Variants in SYNPO2 observed in about 807,000 individuals in gnomAD.
SYNPO2 encodes the protein synaptopodin 2.
Under a neutral mutation model 85.0 loss-of-function variants are expected in SYNPO2, and 56 were observed. The ratio of observed to expected loss-of-function variants is 0.66; its 90% confidence interval spans 0.53 to 0.82. The LOEUF is 0.82. SYNPO2 is among the 40% of genes least tolerant of loss of function. The pLI, the probability that SYNPO2 is intolerant of heterozygous loss-of-function variation, is 0.00. For missense variants in SYNPO2, 1,575 were observed against 1,534.2 expected (o/e 1.03, Z -0.44); for synonymous variants, 602 against 591.1 (o/e 1.02, Z -0.27).
chr4:119,050,551 G>A (rs961850309), intron 4 of SYNPO2, among the ~76,000 whole-genome samples: 4 of 152,062 alleles, frequency 2.6e-5, no homozygotes, highest in Non-Finnish European at 4.4e-5. Context: ...GGGTTGTGAC[G>A]ATTACGTGAA....
chr4:119,008,435 CT>C (rs530354869), intron 1 of SYNPO2, among the ~76,000 whole-genome samples: 5,876 of 139,474 alleles, frequency 0.042, 292 homozygotes, highest in African/African-American at 0.13. Context: ...ATTGCACAGG[CT>C]TTTTTTTTTT....
chr4:118,929,875 C>G (rs1317893513), intron 1 of SYNPO2, among the ~76,000 whole-genome samples: 1 of 152,000 alleles, frequency 6.6e-6, no homozygotes, highest in Non-Finnish European at 1.5e-5. Flanking sequence ...TGTCTACATT[C>G]TGCTTTTAGA....
intron 1 of SYNPO2, among the ~76,000 whole-genome samples, chr4:118,911,768 A>T (rs1460046558): frequency 6.6e-6 from 1 of 152,218 alleles, no homozygotes; most frequent in Non-Finnish European, 1.5e-5. Flanking sequence ...TTGAGATGAG[A>T]CATGAACTAA....
In SYNPO2 at chr4:118,883,061, T is replaced by A. The variant is rs530745765; in HGVS notation, c.12+32121T>A. Among the ~76,000 whole-genome samples the A allele has an allele frequency of 1.8e-3, 277 of 150,408 alleles. 6 individuals are homozygous for A. The highest frequency in any genetic ancestry group is 3.5e-3 in the Middle Eastern group (1 of 284). On this transcript the variant is annotated intron_variant, in intron 1 of 4. Transcript: ENST00000610556. ...CAGGCATGAGCCACCGCGCCCCGCC[T>A]GTTTTTTTTTTTTTTAAAGGCCTTT... is the stretch of plus-strand genomic sequence containing the variant.
In SYNPO2 at chr4:119,029,997, A is replaced by T; in HGVS notation, c.1222A>T (p.Thr408Ser). Residue 408 changes from threonine to serine, a missense_variant, in exon 4 of 5, where the codon ACC (threonine) becomes TCC (serine). This residue lies in a region of SYNPO2 where 1,508 missense variants were observed against 1,446.8 expected (regional missense o/e 1.04). Transcript: ENST00000307142. ...KKRRRRARKYTLVSYGTGELE... is the reference protein window; with the variant it reads ...KKRRRRARKYSLVSYGTGELE... Reference sequence around the variant, plus strand: ...GCGACGTCGGAGGGCCAGGAAATACACCCTAGTTAGCTACGGTACTGGCGA... The same window carrying T: ...GCGACGTCGGAGGGCCAGGAAATACTCCCTAGTTAGCTACGGTACTGGCGA... The T allele has an allele frequency of 6.2e-7, 1 of 1,614,000 alleles. No homozygotes were observed. Among genetic ancestry groups the T allele is most frequent in the Non-Finnish European group, 8.5e-7 (1 of 1,179,984 alleles).
At chr4:118,999,983 C>T (rs541624111) in intron 1 of SYNPO2, among the ~76,000 whole-genome samples, 156 of 152,250 alleles carry the variant, frequency 1.0e-3, no homozygotes, top group African/African-American at 3.7e-3. Context: ...GGGAAAGGCC[C>T]TTTAAACAGA....
chr4:119,042,611 A>G (rs562210277), intron 4 of SYNPO2: 3 of 152,376 alleles, frequency 2.0e-5, no homozygotes, highest in African/African-American at 7.2e-5. Context: ...TAAAATTTTC[A>G]AAAGAAAAAG....
At chr4:119,037,304 A>T (rs892236782) in intron 4 of SYNPO2, 27 of 1,291,154 alleles carry the variant, frequency 2.1e-5, no homozygotes, top group Non-Finnish European at 2.6e-5. Flanking sequence ...ATGAAAAAAA[A>T]TTTTTAAATC....
Position 119,027,401 on chromosome 4 carries a change from T to A in SYNPO2, c.1032T>A (p.Asp344Glu), listed in dbSNP as rs747729057. Residue 344 changes from aspartate to glutamate, a missense_variant, in exon 3 of 5, where the codon GAT becomes GAA. By Grantham distance (45) the Asp-to-Glu change is conservative. Transcript: ENST00000307142. ...GAGAAGATCCACGCTCGGAAAAAGA[T>A]CACAGCAGACCTCACAAGCACCGAG... ...EQGEDPRSEK[D>E]HSRPHKHRAR... is the part of the protein sequence containing the mutation. The A allele has an allele frequency of 1.9e-6, 3 of 1,611,568 alleles. No individual in the cohort carries two copies. Among genetic ancestry groups the A allele is most frequent in the Non-Finnish European group, 2.5e-6 (3 of 1,179,018 alleles).
chr4:119,052,078 T>C (rs901872807), intron 4 of SYNPO2, among the ~76,000 whole-genome samples: 3 of 152,152 alleles, frequency 2.0e-5, no homozygotes, highest in African/African-American at 7.2e-5. Flanking sequence ...GATACTTGCA[T>C]GAGGATGGGT....
At chr4:119,034,612 A>G (rs1578666201) in intron 4 of SYNPO2, 2 of 985,512 alleles carry the variant, frequency 2.0e-6, no homozygotes, top group Non-Finnish European at 2.4e-6. Context: ...TGGACCATAC[A>G]GTCCCACTTT....
chr4:119,027,328 CTCCTTCTCT>C lies in SYNPO2; in HGVS notation c.960_968del (p.Pro321_Leu323del). 6.2e-7 allele frequency: 1 copy of C among 1,614,052 alleles called. No individual in the cohort carries two copies. Among genetic ancestry groups the C allele is most frequent in the Non-Finnish European group, 8.5e-7 (1 of 1,180,036 alleles). On this transcript the variant is annotated inframe_deletion, in exon 3 of 5. Coordinates refer to ENST00000307142, the MANE Select transcript of SYNPO2 (RefSeq NM_133477.3). The stretch of plus-strand genomic sequence containing the variant: ...GTGGAAGGAGGGCAGTCAGAAGCAC[CTCCTTCTCT>C]GGTATCCTTTGCCGTCTCATCAGAA...
At chr4:118,896,982 C>T (rs970793499) in intron 1 of SYNPO2, among the ~76,000 whole-genome samples, 1 of 151,922 alleles carries the variant, frequency 6.6e-6, no homozygotes, top group African/African-American at 2.4e-5. Flanking sequence ...TGAAGGATGA[C>T]CTTTCCTGAA....
chr4:119,002,253 G>A (rs1736847049), intron 1 of SYNPO2, among the ~76,000 whole-genome samples: 1 of 152,058 alleles, frequency 6.6e-6, no homozygotes, highest in Admixed American at 6.6e-5. Flanking sequence ...TATCAGGAGT[G>A]CTATCAATGT....
intron 1 of SYNPO2, among the ~76,000 whole-genome samples, chr4:118,867,469 T>C (rs1731720921): frequency 7.3e-6 from 1 of 137,410 alleles, no homozygotes; most frequent in South Asian, 2.2e-4. Flanking sequence ...GTTTCTTTCT[T>C]TTTTTTTTTT....
intron 1 of SYNPO2, among the ~76,000 whole-genome samples, chr4:118,854,626 G>A (rs943777378): frequency 1.3e-5 from 2 of 152,016 alleles, no homozygotes; most frequent in Admixed American, 6.5e-5. Context: ...AAATCAATAC[G>A]AATTTTAGTG....
At position 118,926,428 on chromosome 4, in the gene SYNPO2, A is replaced by G. The variant is rs145524009; in HGVS notation, c.105+37287A>G. ...ACAGCTGGAGTGGGCTGAGGTAAAT[A>G]GGACATTGTTAAGAAATGTTTAGGT... is the stretch of plus-strand genomic sequence containing the variant. On this transcript the variant is annotated intron_variant, in intron 1 of 4. Transcript: ENST00000307142. Among the ~76,000 whole-genome samples, 210 of 152,324 alleles carry G rather than the reference A, an allele frequency of 1.4e-3. 1 individual carries two copies. The highest frequency in any genetic ancestry group is 4.4e-3 in the African/African-American group (185 of 41,574).
intron 1 of SYNPO2, among the ~76,000 whole-genome samples, chr4:118,898,148 T>C (rs949726867): frequency 3.9e-5 from 6 of 152,156 alleles, no homozygotes; most frequent in Non-Finnish European, 5.9e-5. Flanking sequence ...TTCAAGCAGC[T>C]GACCATTTTT....
chr4:118,997,027 T>G (rs1338562846), intron 1 of SYNPO2, among the ~76,000 whole-genome samples: 1 of 151,018 alleles, frequency 6.6e-6, no homozygotes, highest in Non-Finnish European at 1.5e-5. Flanking sequence ...GATCACGAGG[T>G]CAGGAGATCG....
Sources: allele counts gnomAD v4.1 joint callset (sites outside exome capture counted in the v4.1 genomes callset), GRCh38; gene constraint gnomAD v4.1.1; regional missense constraint gnomAD v4.1.1; transcripts MANE v1.5; gene names NCBI Gene and HGNC (gene_info 2026-07-23, HGNC 2026-07-21).